The following NR2F1-AS1 variants were observed in gnomAD, a reference collection of about 807,000 sequenced individuals.
The protein encoded by NR2F1-AS1 is NR2F1 antisense RNA 1.
chr5:93,435,538 T>C (rs901732730), intron 4 of NR2F1-AS1, among the ~76,000 whole-genome samples: 1 of 152,240 alleles, frequency 6.6e-6, no homozygotes, highest in Non-Finnish European at 1.5e-5. Flanking sequence ...CAATAAATGA[T>C]AGTAGCCCCT....
chr5:93,549,026 T>G (rs1379005738), intron 4 of NR2F1-AS1, among the ~76,000 whole-genome samples: 4 of 152,182 alleles, frequency 2.6e-5, no homozygotes, highest in Non-Finnish European at 5.9e-5. Context: ...TAATAACTGA[T>G]TATATATATA....
chr5:93,528,739 T>A (rs1410604135), intron 4 of NR2F1-AS1, among the ~76,000 whole-genome samples: 1 of 152,166 alleles, frequency 6.6e-6, no homozygotes, highest in Non-Finnish European at 1.5e-5. Context: ...TGAGTTCATG[T>A]CCTTTGCAGG....
chr5:93,468,370 T>C (rs1440377524), intron 4 of NR2F1-AS1, among the ~76,000 whole-genome samples: 1 of 152,240 alleles, frequency 6.6e-6, no homozygotes. Context: ...TATCTCATTG[T>C]GGTTTTGATT....
chr5:93,448,191 A>G (rs1479490087), intron 4 of NR2F1-AS1, among the ~76,000 whole-genome samples: 5 of 152,192 alleles, frequency 3.3e-5, no homozygotes, highest in Admixed American at 2.6e-4. Flanking sequence ...TAGAACTTAA[A>G]GTATAAAAAA....
chr5:93,500,782 GGT>G (rs1299056562), intron 4 of NR2F1-AS1, among the ~76,000 whole-genome samples: 1 of 152,086 alleles, frequency 6.6e-6, no homozygotes, highest in Non-Finnish European at 1.5e-5. Context: ...TGGGACTACA[GGT>G]GTGTGCCACC....
At chr5:93,434,147 A>G (rs964153998) in intron 4 of NR2F1-AS1, among the ~76,000 whole-genome samples, 3 of 152,118 alleles carry the variant, frequency 2.0e-5, no homozygotes, top group Non-Finnish European at 4.4e-5. Context: ...ATTACCTATA[A>G]AACTATTGGC....
At chr5:93,450,914 C>CA (rs60895927) in intron 4 of NR2F1-AS1, among the ~76,000 whole-genome samples, 8,671 of 53,740 alleles carry the variant, frequency 0.16, 1,216 homozygotes, top group Non-Finnish European at 0.23. Context: ...GAATCTGCTT[C>CA]AAAAAAAAAA....
chr5:93,583,494 A>C (rs1217331146), upstream of NR2F1-AS1: 1 of 149,990 alleles, frequency 6.7e-6, no homozygotes, highest in Non-Finnish European at 1.5e-5. Context: ...CTTTTACTCC[A>C]TTCCTGCAGA....
intron 4 of NR2F1-AS1, among the ~76,000 whole-genome samples, chr5:93,463,351 C>T (rs1021033880): frequency 6.6e-6 from 1 of 152,178 alleles, no homozygotes; most frequent in Admixed American, 6.5e-5. Context: ...GAAACCTTCA[C>T]CTAGATTTCA....
chr5:93,546,487 T>C (rs1294656708), intron 4 of NR2F1-AS1, among the ~76,000 whole-genome samples: 4 of 151,600 alleles, frequency 2.6e-5, no homozygotes, highest in Non-Finnish European at 5.9e-5. Flanking sequence ...GTTTTTTCAT[T>C]GGGTTAACAA....
At chr5:93,457,750 T>G (rs1465286776) in intron 4 of NR2F1-AS1, among the ~76,000 whole-genome samples, 1 of 152,126 alleles carries the variant, frequency 6.6e-6, no homozygotes, top group Non-Finnish European at 1.5e-5. Flanking sequence ...TCTAGGCTTT[T>G]TTTTTTTAGC....
At chr5:93,469,452 C>G (rs767813286) in intron 4 of NR2F1-AS1, among the ~76,000 whole-genome samples, 7 of 152,108 alleles carry the variant, frequency 4.6e-5, no homozygotes, top group Non-Finnish European at 8.8e-5. Context: ...AGTGCATTAC[C>G]TTACCTAACA....
At chr5:93,413,071 T>G (rs1202551329) in intron 4 of NR2F1-AS1, among the ~76,000 whole-genome samples, 3 of 113,266 alleles carry the variant, frequency 2.6e-5, no homozygotes, top group African/African-American at 4.2e-5. Flanking sequence ...ATGGTGTGTG[T>G]GTGTGTGTGT....
intron 4 of NR2F1-AS1, among the ~76,000 whole-genome samples, chr5:93,420,514 G>C (rs562685797): frequency 1.3e-5 from 2 of 152,318 alleles, no homozygotes; most frequent in East Asian, 3.9e-4. Context: ...AAAAGGCAGA[G>C]ACTGCAGAGT....
intron 1 of NR2F1-AS1, among the ~76,000 whole-genome samples, chr5:93,573,540 A>G (rs893311839): frequency 6.6e-6 from 1 of 152,348 alleles, no homozygotes; most frequent in African/African-American, 2.4e-5. Flanking sequence ...CCCTCACTGC[A>G]GTGACAGGGC....
At chr5:93,535,107 A>G (rs900057784) in intron 4 of NR2F1-AS1, among the ~76,000 whole-genome samples, 1 of 152,092 alleles carries the variant, frequency 6.6e-6, no homozygotes, top group Non-Finnish European at 1.5e-5. Context: ...TACTAGAGCA[A>G]GAGATTTTAC....
chr5:93,550,246 A>C (rs562764442), intron 4 of NR2F1-AS1, among the ~76,000 whole-genome samples: 2 of 152,284 alleles, frequency 1.3e-5, no homozygotes, highest in Non-Finnish European at 2.9e-5. Context: ...ATTCTTATTA[A>C]GTCAAAAGAG....
At chr5:93,474,934 G>T (rs549496387) in intron 4 of NR2F1-AS1, among the ~76,000 whole-genome samples, 11 of 152,230 alleles carry the variant, frequency 7.2e-5, no homozygotes, top group Non-Finnish European at 1.6e-4. Flanking sequence ...GACCATCCTG[G>T]CTAACACGGT....
At chr5:93,413,247 C>T (rs1748900394) in intron 4 of NR2F1-AS1, among the ~76,000 whole-genome samples, 1 of 148,680 alleles carries the variant, frequency 6.7e-6, no homozygotes, top group African/African-American at 2.5e-5. Context: ...TATATATATG[C>T]TGATCTCTAG....
Sources: gnomAD v4.1 joint callset for allele counts (sites outside exome capture counted in the v4.1 genomes callset) on GRCh38, gnomAD v4.1.1 for gene constraint, MANE v1.5 for transcripts, NCBI Gene and HGNC (gene_info 2026-07-23, HGNC 2026-07-21) for gene names.